Variants in PPP1R14C observed in about 807,000 individuals in gnomAD.
The protein encoded by PPP1R14C is protein phosphatase 1 regulatory inhibitor subunit 14C, also known as protein phosphatase 1 regulatory subunit 14C.
A neutral mutation model predicts 20.4 loss-of-function variants in PPP1R14C; 16 were observed. The ratio of observed to expected loss-of-function variants is 0.78; its 90% CI spans 0.53 to 1.19. The LOEUF (loss-of-function observed/expected upper bound fraction) is 1.19, where lower values mean the gene tolerates loss of function less well. Ranked by LOEUF, PPP1R14C falls within the 50% of genes most tolerant of loss-of-function variation. The pLI is 0.00. For missense variants in PPP1R14C, 211 were observed against 220.1 expected, an observed-to-expected ratio of 0.96 and a Z score of 0.26; for synonymous variants, 91 against 91.0, an observed-to-expected ratio of 1.00 and a Z score of 0.00.
intron 1 of PPP1R14C, among the ~76,000 whole-genome samples, chr6:150,208,180 G>A (rs1777977902): frequency 6.6e-6 from 1 of 152,176 alleles, no homozygotes; most frequent in Non-Finnish European, 1.5e-5. Context: ...TTCACCCTGA[G>A]TTTCGGAGGG....
chr6:150,151,132 C>T (rs569120687), intron 1 of PPP1R14C, among the ~76,000 whole-genome samples: 2 of 152,056 alleles, frequency 1.3e-5, no homozygotes, highest in South Asian at 2.1e-4. Flanking sequence ...ATGCGGACAA[C>T]GTGTGACTCT....
intron 1 of PPP1R14C, among the ~76,000 whole-genome samples, chr6:150,168,488 G>C (rs1049261475): frequency 4.0e-5 from 6 of 151,874 alleles, no homozygotes; most frequent in African/African-American, 7.3e-5. Flanking sequence ...AGCCGAGATA[G>C]CGCCACTACA....
intron 1 of PPP1R14C, among the ~76,000 whole-genome samples, chr6:150,154,880 A>G (rs1777289682): frequency 6.6e-6 from 1 of 152,212 alleles, no homozygotes; most frequent in African/African-American, 2.4e-5. Context: ...ACAGACACTC[A>G]CAGCCACCAT....
intron 1 of PPP1R14C, among the ~76,000 whole-genome samples, chr6:150,191,155 A>G (rs1777737248): frequency 6.6e-6 from 1 of 151,650 alleles, no homozygotes; most frequent in African/African-American, 2.4e-5. Context: ...TCCCTCCCTC[A>G]CCTTCAGGAC....
At chr6:150,209,091 A>C (rs924860110) in intron 1 of PPP1R14C, among the ~76,000 whole-genome samples, 3 of 151,770 alleles carry the variant, frequency 2.0e-5, no homozygotes, top group African/African-American at 7.3e-5. Flanking sequence ...GACATTTGCC[A>C]CTCCCCACCC....
At chr6:150,202,994 A>G (rs543856647) in intron 1 of PPP1R14C, among the ~76,000 whole-genome samples, 1 of 152,252 alleles carries the variant, frequency 6.6e-6, no homozygotes, top group Non-Finnish European at 1.5e-5. Context: ...TTAGTGTTGT[A>G]TCTTGGTTAC....
chr6:150,205,177 G>A (rs2114901580), intron 1 of PPP1R14C, among the ~76,000 whole-genome samples: 1 of 152,192 alleles, frequency 6.6e-6, no homozygotes, highest in South Asian at 2.1e-4. Context: ...AACCTGCCTG[G>A]TGGGTGGGTT....
chr6:150,247,396 G>A (rs964516822), intron 3 of PPP1R14C, among the ~76,000 whole-genome samples: 1 of 152,252 alleles, frequency 6.6e-6, no homozygotes, highest in South Asian at 2.1e-4. Flanking sequence ...GACTTATCTG[G>A]TGGCCAAACA....
chr6:150,204,096 G>A (rs1045769770), intron 1 of PPP1R14C, among the ~76,000 whole-genome samples: 4 of 152,196 alleles, frequency 2.6e-5, no homozygotes, highest in South Asian at 2.1e-4. Context: ...GGCTGCTGTC[G>A]GCACAGGAGC....
At chr6:150,176,890 AG>A (rs1777568836) in intron 1 of PPP1R14C, among the ~76,000 whole-genome samples, 1 of 152,222 alleles carries the variant, frequency 6.6e-6, no homozygotes, top group Non-Finnish European at 1.5e-5. Flanking sequence ...AGGCCACTCA[AG>A]GAAGAGGGAG....
chr6:150,175,713 A>T (rs1777554072), intron 1 of PPP1R14C, among the ~76,000 whole-genome samples: 1 of 152,224 alleles, frequency 6.6e-6, no homozygotes. Context: ...ATCATTTGAC[A>T]GTATCTAACC....
intron 1 of PPP1R14C, among the ~76,000 whole-genome samples, chr6:150,171,622 A>C (rs1341958683): frequency 2.0e-5 from 3 of 152,244 alleles, no homozygotes; most frequent in Middle Eastern, 6.8e-3. Flanking sequence ...CTGGGACTGG[A>C]ATTTCGTCTC....
chr6:150,191,747 T>C (rs1317585948), intron 1 of PPP1R14C, among the ~76,000 whole-genome samples: 1 of 152,252 alleles, frequency 6.6e-6, no homozygotes, highest in Non-Finnish European at 1.5e-5. Flanking sequence ...TTCTTTAGCA[T>C]CTCAGAGAGT....
At chr6:150,199,271 G>A (rs959718983) in intron 1 of PPP1R14C, among the ~76,000 whole-genome samples, 1 of 152,172 alleles carries the variant, frequency 6.6e-6, no homozygotes, top group Non-Finnish European at 1.5e-5. Context: ...CTGAGGCACG[G>A]CTATCATTCG....
At chr6:150,175,443 G>T (rs1777550858) in intron 1 of PPP1R14C, among the ~76,000 whole-genome samples, 1 of 152,134 alleles carries the variant, frequency 6.6e-6, no homozygotes, top group African/African-American at 2.4e-5. Context: ...CTGATATGTT[G>T]AATATGTTTT....
intron 1 of PPP1R14C, among the ~76,000 whole-genome samples, chr6:150,199,656 G>C (rs1242587633): frequency 2.0e-5 from 3 of 152,162 alleles, no homozygotes; most frequent in African/African-American, 7.2e-5. Context: ...AATTGCTTGA[G>C]CCCAGGAGTT....
At chr6:150,184,848 A>G (rs779483560) in intron 1 of PPP1R14C, among the ~76,000 whole-genome samples, 2 of 152,224 alleles carry the variant, frequency 1.3e-5, no homozygotes, top group Non-Finnish European at 2.9e-5. Flanking sequence ...GAATGAAATT[A>G]TCTATTTGAA....
At chr6:150,181,470 A>AG (rs1039399985) in intron 1 of PPP1R14C, among the ~76,000 whole-genome samples, 5 of 99,328 alleles carry the variant, frequency 5.0e-5, no homozygotes, top group African/African-American at 2.3e-4. Flanking sequence ...AGAACATTAA[A>AG]AAAAGTTCTC....
intron 1 of PPP1R14C, among the ~76,000 whole-genome samples, chr6:150,172,315 C>T (rs1406973074): frequency 1.3e-5 from 2 of 152,130 alleles, no homozygotes; most frequent in African/African-American, 4.8e-5. Context: ...CTTCCCTAGG[C>T]CAGGGAGACT....
Sources: allele counts gnomAD v4.1 joint callset (sites outside exome capture counted in the v4.1 genomes callset), GRCh38; gene constraint gnomAD v4.1.1; transcripts MANE v1.5; gene names NCBI Gene and HGNC (gene_info 2026-07-23, HGNC 2026-07-21).